Variants in SLC24A3 observed in about 807,000 individuals in gnomAD.
The protein encoded by SLC24A3 is sodium/potassium/calcium exchanger 3.
In SLC24A3, 28 loss-of-function variants were observed where a neutral mutation model predicts 75.8. The observed-to-expected ratio is 0.37, with a 90% CI of 0.27 to 0.51. SLC24A3 has a LOEUF of 0.51. Among genes scored for constraint, SLC24A3 ranks in the 20% least tolerant of loss-of-function variants. The pLI is 0.94. For missense variants in SLC24A3, 663 were observed against 847.8 expected (o/e 0.78, Z 2.71); for synonymous variants, 372 against 334.1 (o/e 1.11, Z -1.24).
At chr20:19,647,029 TG>T (rs949312752) in intron 6 of SLC24A3, among the ~76,000 whole-genome samples, 2 of 152,130 alleles carry the variant, frequency 1.3e-5, no homozygotes, top group Non-Finnish European at 2.9e-5. Context: ...GAGCTCCTCT[TG>T]GTCACAAAAG....
chr20:19,671,099 G>T (rs1413557671), intron 8 of SLC24A3, among the ~76,000 whole-genome samples: 1 of 152,206 alleles, frequency 6.6e-6, no homozygotes, highest in African/African-American at 2.4e-5. Flanking sequence ...GTGAGAGAAA[G>T]TCGGGCAGGG....
chr20:19,350,038 G>A (rs57849941), intron 2 of SLC24A3, among the ~76,000 whole-genome samples: 17,215 of 152,226 alleles, frequency 0.11, 2,616 homozygotes, highest in African/African-American at 0.35. Flanking sequence ...CACGGGCACC[G>A]TTGGAGGCCT....
At chr20:19,267,524 A>G (rs1032838278) in intron 1 of SLC24A3, among the ~76,000 whole-genome samples, 1 of 152,190 alleles carries the variant, frequency 6.6e-6, no homozygotes, top group African/African-American at 2.4e-5. Flanking sequence ...CCATTTTTTT[A>G]AAATAAAAGA....
At chr20:19,215,171 C>T (rs1981519454) in intron 1 of SLC24A3, among the ~76,000 whole-genome samples, 1 of 152,118 alleles carries the variant, frequency 6.6e-6, no homozygotes, top group Admixed American at 6.5e-5. Flanking sequence ...GGGGAATTGT[C>T]GTTTGGCACA....
chr20:19,363,868 A>G (rs3790193), intron 2 of SLC24A3, among the ~76,000 whole-genome samples: 70,522 of 152,052 alleles, frequency 0.46, 16,618 homozygotes, highest in Middle Eastern at 0.58. Context: ...GAGAGGGGCC[A>G]TTGGGTCCAA....
chr20:19,329,202 T>C (rs1442560309), intron 2 of SLC24A3, among the ~76,000 whole-genome samples: 1 of 152,130 alleles, frequency 6.6e-6, no homozygotes, highest in Non-Finnish European at 1.5e-5. Context: ...AGTAGTATAG[T>C]AGTTCATAGG....
intron 2 of SLC24A3, among the ~76,000 whole-genome samples, chr20:19,429,181 A>G (rs979474221): frequency 6.6e-6 from 1 of 152,266 alleles, no homozygotes; most frequent in Non-Finnish European, 1.5e-5. Context: ...AAGCAACTCA[A>G]CTATCCTCAC....
In SLC24A3 at chr20:19,642,494, G is replaced by C. The variant is rs138232473; in HGVS notation, c.613-11568G>C. ...AGGTGAAGAGTAGCTCAGGCTTCCAGGCCCCACACACACCCTAAAATGTGG... is the reference window on the plus strand; with the variant it reads ...AGGTGAAGAGTAGCTCAGGCTTCCACGCCCCACACACACCCTAAAATGTGG... On this transcript the variant is annotated intron_variant, in intron 6 of 16. Transcript: ENST00000328041. Among the ~76,000 whole-genome samples the C allele has an allele frequency of 1.3e-3, 198 of 152,310 alleles. No individual in the cohort carries two copies. The East Asian group carries it at 0.019, about 15-fold the overall frequency.
intron 2 of SLC24A3, among the ~76,000 whole-genome samples, chr20:19,509,828 C>G (rs1988511130): frequency 6.6e-6 from 1 of 152,148 alleles, no homozygotes; most frequent in Admixed American, 6.5e-5. Context: ...TTCAAATGGC[C>G]AAAAGGCAAA....
At chr20:19,483,309 C>T (rs1988085983) in intron 2 of SLC24A3, among the ~76,000 whole-genome samples, 1 of 152,048 alleles carries the variant, frequency 6.6e-6, no homozygotes, top group African/African-American at 2.4e-5. Context: ...GCTTGGCTTT[C>T]CAAAACAACT....
At chr20:19,613,198 C>A (rs946193927) in intron 6 of SLC24A3, among the ~76,000 whole-genome samples, 3 of 152,184 alleles carry the variant, frequency 2.0e-5, no homozygotes, top group African/African-American at 7.2e-5. Flanking sequence ...CATGAACATG[C>A]TGTATAATTT....
At chr20:19,718,598 G>T (rs1003601741) in intron 16 of SLC24A3, among the ~76,000 whole-genome samples, 1 of 152,172 alleles carries the variant, frequency 6.6e-6, no homozygotes, top group Admixed American at 6.5e-5. Context: ...TCTGACACCA[G>T]GGTGCACAAT....
At chr20:19,585,411 A>G (rs1283205531) in intron 5 of SLC24A3, 30 bp from the exon 6 acceptor site, 3 of 1,607,940 alleles carry the variant, frequency 1.9e-6, no homozygotes, top group African/African-American at 1.3e-5. Context: ...GGGCCACAAC[A>G]GCCAGGCTGA....
In SLC24A3 at chr20:19,696,832, C is replaced by T. The variant is rs143478401; in HGVS notation, c.1527C>T (p.Asp509=). 1.1e-4 allele frequency: 172 copies of T among 1,614,038 alleles called. No individual in the cohort carries two copies. The highest frequency in any genetic ancestry group is 1.4e-4 in the Non-Finnish European group (165 of 1,179,982). The change falls in exon 14 of 17, where the codon GAC becomes GAT. Residue 509 remains aspartate (D), a synonymous_variant. Transcript: ENST00000328041. The part of the protein sequence containing the change: ...TIIGYTLGIP[D]VIMGITFLAA... ...TTGGTTACACCCTGGGGATTCCTGACGTCATCATGGGGATCACCTTCCTGG... is the reference window on the plus strand; with the variant it reads ...TTGGTTACACCCTGGGGATTCCTGATGTCATCATGGGGATCACCTTCCTGG...
At chr20:19,539,438 G>A (rs1465810959) in intron 3 of SLC24A3, among the ~76,000 whole-genome samples, 1 of 152,158 alleles carries the variant, frequency 6.6e-6, no homozygotes, top group Non-Finnish European at 1.5e-5. Flanking sequence ...GTGTGGGGTC[G>A]TGAGCTTAGT....
intron 1 of SLC24A3, among the ~76,000 whole-genome samples, chr20:19,232,674 G>A (rs1982056558): frequency 6.6e-6 from 1 of 152,246 alleles, no homozygotes; most frequent in African/African-American, 2.4e-5. Flanking sequence ...GGACTCTGGA[G>A]TTAGAGAGCT....
At chr20:19,480,320 A>C (rs1988033509) in intron 2 of SLC24A3, among the ~76,000 whole-genome samples, 1 of 152,152 alleles carries the variant, frequency 6.6e-6, no homozygotes, top group South Asian at 2.1e-4. Context: ...GAGAGGTTCT[A>C]ATCATTGATG....
chr20:19,344,835 T>C (rs1985352794), intron 2 of SLC24A3, among the ~76,000 whole-genome samples: 1 of 152,174 alleles, frequency 6.6e-6, no homozygotes, highest in Non-Finnish European at 1.5e-5. Context: ...GGAAAATGTG[T>C]AGAGCACCTA....
At chr20:19,399,803 T>C (rs2122402247) in intron 2 of SLC24A3, among the ~76,000 whole-genome samples, 1 of 152,362 alleles carries the variant, frequency 6.6e-6, no homozygotes, top group Non-Finnish European at 1.5e-5. Flanking sequence ...ATCTACTTAC[T>C]AGCTTTCTGT....
Sources: gnomAD v4.1 joint callset for allele counts (sites outside exome capture counted in the v4.1 genomes callset) on GRCh38, gnomAD v4.1.1 for gene constraint, MANE v1.5 for transcripts, NCBI Gene and HGNC (gene_info 2026-07-23, HGNC 2026-07-21) for gene names.